Variants in NOS2 observed in about 807,000 individuals in gnomAD.
NOS2 encodes nitric oxide synthase 2.
Under a neutral mutation model 136.0 loss-of-function variants are expected in NOS2, and 96 were observed. The ratio of observed to expected loss-of-function variants is 0.71; its 90% CI spans 0.60 to 0.84. The LOEUF (loss-of-function observed/expected upper bound fraction) is 0.84, where lower values mean the gene tolerates loss of function less well. Ranked by LOEUF, NOS2 falls within the 40% of genes least tolerant of loss-of-function variation. The pLI, the probability that NOS2 is intolerant of heterozygous loss-of-function variation, is 0.00. For synonymous variants in NOS2, 539 were observed against 587.5 expected, an observed-to-expected ratio of 0.92 and a Z score of 1.20; for missense variants, 1,237 against 1,496.9, an observed-to-expected ratio of 0.83 and a Z score of 2.87.
chr17:27,779,708 G>T (rs1380322186), intron 9 of NOS2, among the ~76,000 whole-genome samples: 3 of 135,300 alleles, frequency 2.2e-5, no homozygotes, highest in Admixed American at 1.6e-4. Flanking sequence ...ACACAACAGA[G>T]CAATTAAGGA....
chr17:27,779,204 C>T, intron 9 of NOS2, 148 bp from the exon 10 acceptor site: 1 of 534,738 alleles, frequency 1.9e-6, no homozygotes, highest in Admixed American at 4.3e-5. Flanking sequence ...CCTTTAACTC[C>T]TGGGCCCAAG....
chr17:27,800,002 C>T (rs1909481778), intron 1 of NOS2, among the ~76,000 whole-genome samples: 2 of 152,092 alleles, frequency 1.3e-5, no homozygotes, highest in Non-Finnish European at 2.9e-5. Flanking sequence ...TTTAATATAT[C>T]CATCTTACCA....
chr17:27,765,791 C>A, intron 19 of NOS2, 75 bp from the exon 20 acceptor site: 2 of 1,431,942 alleles, frequency 1.4e-6, no homozygotes, highest in Non-Finnish European at 1.9e-6. Context: ...AGGCGAGATT[C>A]CCCAGGAAAT....
chr17:27,790,386 G>A (rs1302964461), intron 2 of NOS2, among the ~76,000 whole-genome samples: 6 of 152,258 alleles, frequency 3.9e-5, no homozygotes, highest in South Asian at 2.1e-4. Flanking sequence ...GAGCCACCGC[G>A]CCCAGCCCCA....
intron 24 of NOS2, among the ~76,000 whole-genome samples, 198 bp from the exon 25 acceptor site, chr17:27,760,376 C>T (rs1908078586): frequency 6.6e-6 from 1 of 152,218 alleles, no homozygotes; most frequent in Non-Finnish European, 1.5e-5. Context: ...TGCAGAATTC[C>T]CTCAGCCAAT....
chr17:27,799,109 C>T (rs1412438982), intron 1 of NOS2, among the ~76,000 whole-genome samples: 45 of 152,170 alleles, frequency 3.0e-4, no homozygotes, highest in Non-Finnish European at 1.6e-4. Flanking sequence ...AATGAACCCC[C>T]CCATCCCCAT....
At position 27,766,712 on chromosome 17, in the gene NOS2, G is replaced by A. The variant is rs189166850; in HGVS notation, c.2168-124C>T. 3.1e-3 allele frequency: 2,328 copies of A among 740,218 alleles called. 10 individuals carry two copies. The highest frequency in any genetic ancestry group is 3.5e-3 in the Non-Finnish European group (1,460 of 417,768). The allele number at this position is 740,218 out of a possible 1,614,324, so 45.9% of individuals were successfully genotyped here. ...CTTGGGGCATCCTGCTGAGGTGGCC[G>A]TTGGGTTTTTCTTTTTCTTCCTTTT... On this transcript the variant is annotated intron_variant, in intron 18 of 26. Coordinates refer to ENST00000313735, the MANE Select transcript of NOS2 (RefSeq NM_000625.4).
rs760426972 is a variant in NOS2 at position 27,761,188 on chromosome 17, G to A, written c.2844C>T (p.Leu948=). ...PLHHGVCSTW[L]NSLKPQDPVP... is the part of the protein sequence containing the mutation. ...CTGGGTCTTGGGGCTTCAGGCTGTT[G>A]AGCCATGTGCTGCAGACGCCGTGGT... The change falls in exon 23 of 27, where the codon CTC becomes CTT. Residue 948 remains leucine, a synonymous_variant. Transcript: ENST00000313735. The A allele has an allele frequency of 6.2e-7, 1 of 1,609,884 alleles. No individual in the cohort carries two copies. Among genetic ancestry groups the A allele is most frequent in the African/African-American group, 1.3e-5 (1 of 74,840 alleles).
rs201531941 is a variant in NOS2 at position 27,765,489 on chromosome 17, G to A, written c.2428+46C>T. The A allele has an allele frequency of 2.2e-3, 3,252 of 1,510,860 alleles. 77 individuals carry two copies. The highest frequency in any genetic ancestry group is 9.4e-3 in the South Asian group (715 of 76,134). 93.6% of individuals were successfully genotyped at this position (1,510,860 alleles called of 1,614,324 possible). On this transcript the variant is annotated intron_variant, in intron 20 of 26. Transcript: ENST00000313735. ...GCTCAGCCCCTCAGCCAGGTGGGGC[G>A]GCCAGAGGGTGCCAGGCAGCACTGG... is the stretch of plus-strand genomic sequence containing the variant.
At chr17:27,768,114 A>G (rs1908368394) in intron 17 of NOS2, among the ~76,000 whole-genome samples, 1 of 152,140 alleles carries the variant, frequency 6.6e-6, no homozygotes. Flanking sequence ...CAGTGGTGCC[A>G]TCATAGCTCA....
chr17:27,767,848 G>A lies in NOS2; in HGVS notation c.2035-11C>T. On this transcript the variant is annotated splice_polypyrimidine_tract_variant and intron_variant, in intron 17 of 26. Transcript: ENST00000313735. ...CGTCTCACAGGCTGCCTGGAAGAAGGTGGAGCAGACTGCGGTTAATGGTCA... is the reference window on the plus strand; with the variant it reads ...CGTCTCACAGGCTGCCTGGAAGAAGATGGAGCAGACTGCGGTTAATGGTCA... 2 of 1,611,192 alleles carry A rather than the reference G, an allele frequency of 1.2e-6. No homozygotes were observed. Among genetic ancestry groups the A allele is most frequent in the Non-Finnish European group, 1.7e-6 (2 of 1,179,900 alleles).
intron 9 of NOS2, among the ~76,000 whole-genome samples, chr17:27,779,617 A>G (rs904085085): frequency 6.6e-6 from 1 of 152,208 alleles, no homozygotes; most frequent in Non-Finnish European, 1.5e-5. Context: ...TAAATTATGC[A>G]TTCATGCACT....
Position 27,769,463 on chromosome 17 carries a change from G to C in NOS2, c.1859+72C>G, listed in dbSNP as rs369149646. On this transcript the variant is annotated intron_variant, in intron 16 of 26. Transcript: ENST00000313735. ...TGAGAAGACCCCCTGTGCACACCCA[G>C]TTCCATCCCCTGAACCCAGACTTTG... is the stretch of plus-strand genomic sequence containing the variant. The C allele has an allele frequency of 3.7e-6, 5 of 1,334,946 alleles. No individual in the cohort carries two copies. In the African/African-American group the frequency reaches 7.2e-5, roughly 19 times the overall value. The allele number at this position is 1,334,946 out of a possible 1,614,324, so 82.7% of individuals were successfully genotyped here.
At position 27,783,083 on chromosome 17, in the gene NOS2, G is replaced by A. The variant is rs1480402191; in HGVS notation, c.491C>T (p.Ala164Val). Residue 164 changes from alanine to valine, a missense_variant, in exon 6 of 27, where the codon GCC (alanine) becomes GTC (valine). Around this residue, in one of 3 missense-constraint regions of NOS2, gnomAD observed 440 missense variants for 545.4 expected, o/e 0.81. Coordinates refer to ENST00000313735, the MANE Select transcript of NOS2 (RefSeq NM_000625.4). ...CTCCTTTGTTACCGCTTCCACCCTG[G>A]CCAGATGTTCCTCTATTTTTGCCCT... The part of the protein sequence containing the change: ...FKEAKIEEHL[A>V]RVEAVTKEIE... The A allele has an allele frequency of 1.2e-6, 2 of 1,614,130 alleles. No homozygotes were observed. The highest frequency in any genetic ancestry group is 2.2e-5 in the East Asian group (1 of 44,876).
At chr17:27,773,323 C>T (rs2151328874) in intron 12 of NOS2, 80 bp from the exon 13 acceptor site, 1 of 902,964 alleles carries the variant, frequency 1.1e-6, no homozygotes, top group East Asian at 2.4e-5. Context: ...TGGTAGAGGA[C>T]CCTTCACACC....
chr17:27,758,876 T>C lies in NOS2; in HGVS notation c.3354+5A>G. 1.3e-6 allele frequency: 2 copies of C among 1,568,302 alleles called. No homozygotes were observed. The highest frequency in any genetic ancestry group is 1.7e-6 in the Non-Finnish European group (2 of 1,156,864). On this transcript the variant is annotated splice_donor_5th_base_variant and intron_variant, in intron 26 of 26. Coordinates refer to ENST00000313735, the MANE Select transcript of NOS2 (RefSeq NM_000625.4). ...CACCTTCAGCCCACACACCCACTAC[T>C]ATACCTTGAGCTGAAAGAAATAGTC...
At chr17:27,789,358 G>A (rs1489386775) in intron 3 of NOS2, among the ~76,000 whole-genome samples, 2 of 152,146 alleles carry the variant, frequency 1.3e-5, no homozygotes, top group African/African-American at 4.8e-5. Context: ...TGGAACCCAG[G>A]AGATAGAAGC....
At position 27,774,455 on chromosome 17, in the gene NOS2, T is replaced by TA. The variant is rs764710320; in HGVS notation, c.1282-5dup. Reference sequence around the variant, plus strand: ...CCATGATGGTCACATTCTGCTTCTGTATCAGAAGGCAAGATAGGGAGTGGA... The same window carrying TA: ...CCATGATGGTCACATTCTGCTTCTGTAATCAGAAGGCAAGATAGGGAGTGGA... On this transcript the variant is annotated splice_region_variant and splice_polypyrimidine_tract_variant and intron_variant, in intron 11 of 26. Coordinates refer to ENST00000313735, the MANE Select transcript of NOS2 (RefSeq NM_000625.4). The TA allele has an allele frequency of 2.4e-4, 344 of 1,460,058 alleles. No individual in the cohort carries two copies. Among genetic ancestry groups the TA allele is most frequent in the Non-Finnish European group, 3.0e-4 (325 of 1,097,562 alleles). The allele number at this position is 1,460,058 out of a possible 1,614,324, so 90.4% of individuals were successfully genotyped here.
chr17:27,784,950 C>T (rs541659679), intron 5 of NOS2, among the ~76,000 whole-genome samples: 2 of 152,296 alleles, frequency 1.3e-5, no homozygotes, highest in South Asian at 4.1e-4. Context: ...TGGGTTCCAA[C>T]ACCACCAAGC....
Sources: gnomAD v4.1 joint callset for allele counts (sites outside exome capture counted in the v4.1 genomes callset) on GRCh38, gnomAD v4.1.1 for gene constraint, gnomAD v4.1.1 regional missense constraint, MANE v1.5 for transcripts, NCBI Gene and HGNC (gene_info 2026-07-23, HGNC 2026-07-21) for gene names.